The following FIBP variants were observed in gnomAD, a reference collection of about 807,000 sequenced individuals.
The protein encoded by FIBP is acidic fibroblast growth factor intracellular-binding protein.
FIBP carries 29 observed loss-of-function variants against 40.5 expected under a neutral mutation model. That is an observed-to-expected ratio of 0.72 (90% CI 0.53 to 0.98). The LOEUF (loss-of-function observed/expected upper bound fraction) is 0.98, where lower values mean the gene tolerates loss of function less well. FIBP is among the 50% of genes least tolerant of loss of function. The pLI, the probability that FIBP is intolerant of heterozygous loss-of-function variation, is 0.00. For synonymous variants in FIBP, 215 were observed against 191.1 expected (o/e 1.13, Z -1.03); for missense variants, 411 against 470.2 (o/e 0.87, Z 1.16).
In FIBP at chr11:65,887,919, C is replaced by T. The variant is rs1231308817; in HGVS notation, c.284+15G>A. 6.2e-7 allele frequency: 1 copy of T among 1,611,926 alleles called. No homozygotes were observed. The highest frequency in any genetic ancestry group is 2.2e-5 in the East Asian group (1 of 44,828). On this transcript the variant is annotated intron_variant, in intron 2 of 9. Transcript: ENST00000357519. ...CAGACTGGTTGATGTCTCCACCATC[C>T]CAGAGGGTGAGCACCTCTCGATGAG...
At chr11:65,887,546 G>A (rs753274986) in intron 3 of FIBP, 54 bp downstream of exon 3, 3 of 1,603,174 alleles carry the variant, frequency 1.9e-6, no homozygotes, top group Non-Finnish European at 2.6e-6. Context: ...AGTGGCCAAA[G>A]GGAGGGAGTG....
intron 9 of FIBP, 55 bp downstream of exon 9, chr11:65,884,337 G>C (rs572368414): frequency 8.6e-6 from 13 of 1,517,414 alleles, no homozygotes; most frequent in Admixed American, 5.2e-5. Flanking sequence ...GCGAGGTCCT[G>C]GCAGGTGGCA....
chr11:65,887,939 G>T lies in FIBP; in HGVS notation c.279C>A (p.Ile93=). The T allele has an allele frequency of 1.2e-6, 2 of 1,613,108 alleles. No individual in the cohort carries two copies. The highest frequency in any genetic ancestry group is 1.7e-6 in the Non-Finnish European group (2 of 1,179,474). Residue 93 remains isoleucine, a synonymous_variant, in exon 2 of 10, where the codon ATC becomes ATA. Transcript: ENST00000357519. The part of the protein sequence containing the change: ...QIPPSRQALL[I]ERYYAFDEAF... ...CCATCCCAGAGGGTGAGCACCTCTCGATGAGTAGTGCCTGCCGGGAGGGCG... is the reference window on the plus strand; with the variant it reads ...CCATCCCAGAGGGTGAGCACCTCTCTATGAGTAGTGCCTGCCGGGAGGGCG...
chr11:65,884,535 G>A (rs1374813622), intron 8 of FIBP, 35 bp downstream of exon 8: 1 of 1,613,860 alleles, frequency 6.2e-7, no homozygotes, highest in African/African-American at 1.3e-5. Context: ...GCCAGGGACA[G>A]ACCAGGTTGG....
intron 1 of FIBP, 31 bp downstream of exon 1, chr11:65,888,303 C>G: frequency 6.5e-7 from 1 of 1,541,352 alleles, no homozygotes; most frequent in Non-Finnish European, 8.8e-7. Flanking sequence ...ACCGCTCCGC[C>G]GACTGGCTTC....
In FIBP at chr11:65,885,063, C is replaced by A. The variant is rs1860198346; in HGVS notation, c.755+15G>T. The A allele has an allele frequency of 1.2e-6, 2 of 1,613,722 alleles. No homozygotes were observed. Among genetic ancestry groups the A allele is most frequent in the Non-Finnish European group, 1.7e-6 (2 of 1,179,624 alleles). ...CCTACTGCAGGCCCCGCCCCATGGG[C>A]CCCTACAAGGTCACCTCTTGTGCAG... On this transcript the variant is annotated intron_variant, in intron 6 of 9. Transcript: ENST00000357519.
rs539421185 is a variant in FIBP, at chr11:65,886,241, G to A, written c.512+81C>T. 97 of 870,880 alleles carry A rather than the reference G, an allele frequency of 1.1e-4. No homozygotes were observed. In the African/African-American group the frequency reaches 1.2e-3, roughly 10 times the overall value. The allele number at this position is 870,880 out of a possible 1,614,324, so 53.9% of individuals were successfully genotyped here. On this transcript the variant is annotated intron_variant, in intron 4 of 9. Transcript: ENST00000357519. The stretch of plus-strand genomic sequence containing the variant: ...TTCCCCCAGCATACTCAGGAGGTCA[G>A]AAGGTTTGGGGTAGGGAAGGTGGAC...
At chr11:65,886,236 G>A (rs1360481781) in intron 4 of FIBP, 86 bp downstream of exon 4, 7 of 829,754 alleles carry the variant, frequency 8.4e-6, no homozygotes, top group Non-Finnish European at 1.3e-5. Flanking sequence ...ATACTCAGGA[G>A]GTCAGAAGGT....
rs1219638416 is a variant in FIBP, at chr11:65,886,432, A to C, written c.412-10T>G. The stretch of plus-strand genomic sequence containing the variant: ...GTTTAAAGTTGTCAAACTGCAGGGC[A>C]GTTAGGGTAGAAGAGAGGACTGGTC... On this transcript the variant is annotated splice_polypyrimidine_tract_variant and intron_variant, in intron 3 of 9. Coordinates refer to ENST00000357519, the MANE Select transcript of FIBP (RefSeq NM_004214.5). The C allele has an allele frequency of 6.3e-7, 1 of 1,594,044 alleles. No homozygotes were observed. Among genetic ancestry groups the C allele is most frequent in the Admixed American group, 1.7e-5 (1 of 59,990 alleles).
chr11:65,888,181 C>T, intron 1 of FIBP, 49 bp from the exon 2 acceptor site: 1 of 1,519,040 alleles, frequency 6.6e-7, no homozygotes. Flanking sequence ...ACGCCAGAGG[C>T]CCTTAAGGGT....
Position 65,884,965 on chromosome 11 carries a change from G to A in FIBP, c.789C>T (p.Gly263=), listed in dbSNP as rs757768112. ...AGTTGGCTTCCATCTCAGAGAAGAC[G>A]CCCAGCTTTCCCCGGAGAGCAGTGC... ...LVCTALRGKL[G]VFSEMEANFK... The change falls in exon 7 of 10, where the codon GGC becomes GGT. Residue 263 remains glycine, a synonymous_variant. Coordinates refer to ENST00000357519, the MANE Select transcript of FIBP (RefSeq NM_004214.5). 4.2e-5 allele frequency: 67 copies of A among 1,614,022 alleles called. No homozygotes were observed. In the East Asian group the frequency reaches 9.6e-4, roughly 23 times the overall value.
chr11:65,886,119 T>C lies in FIBP; in HGVS notation c.512+203A>G, dbSNP rs1200056005. 2.5e-5 allele frequency: 13 copies of C among 526,166 alleles called. No homozygotes were observed. In the East Asian group the frequency reaches 3.2e-4, roughly 13 times the overall value. 32.6% of individuals were successfully genotyped at this position (526,166 alleles called of 1,614,324 possible). A position where few individuals can be genotyped will look rare whatever the true frequency, so the allele number is the denominator to read the frequency against. Reference sequence around the variant, plus strand: ...AGGCAGAGGTTGCAGTGAGCCAAGATTGCACCATTGCATTCCAGCCTGGGC... The same window carrying C: ...AGGCAGAGGTTGCAGTGAGCCAAGACTGCACCATTGCATTCCAGCCTGGGC... On this transcript the variant is annotated intron_variant, in intron 4 of 9. Coordinates refer to ENST00000357519, the MANE Select transcript of FIBP (RefSeq NM_004214.5).
At position 65,885,673 on chromosome 11, in the gene FIBP, C is replaced by T. The variant is rs563732211; in HGVS notation, c.513-10G>A. On this transcript the variant is annotated splice_polypyrimidine_tract_variant and intron_variant, in intron 4 of 9. Transcript: ENST00000357519. ...GATGGCTGCATAGTCCCTGCACAGACGAGAGGAGGGTCCTCTTAGGGCTTG... is the reference window on the plus strand; with the variant it reads ...GATGGCTGCATAGTCCCTGCACAGATGAGAGGAGGGTCCTCTTAGGGCTTG... 5.8e-5 allele frequency: 93 copies of T among 1,598,310 alleles called. 1 individual carries two copies. The South Asian group carries it at 9.3e-4, about 16-fold the overall frequency.
At chr11:65,885,748 C>T (rs979701503) in intron 4 of FIBP, 85 bp from the exon 5 acceptor site, 16 of 1,352,522 alleles carry the variant, frequency 1.2e-5, no homozygotes, top group Admixed American at 4.1e-5. Context: ...GCTGGGTGTC[C>T]GAGTTCTGGC....
chr11:65,887,450 A>G, intron 3 of FIBP, 150 bp downstream of exon 3: 2 of 843,778 alleles, frequency 2.4e-6, no homozygotes, highest in East Asian at 5.5e-5. Flanking sequence ...CATCTCGAAA[A>G]AAAAAAAAAA....
chr11:65,884,546 G>A (rs894596529), intron 8 of FIBP, 24 bp downstream of exon 8: 6 of 1,613,858 alleles, frequency 3.7e-6, no homozygotes, highest in Non-Finnish European at 5.1e-6. Flanking sequence ...ACCAGGTTGG[G>A]TGTCAGAGAG....
Position 65,888,142 on chromosome 11 carries a change from G to A in FIBP, c.86-10C>T, listed in dbSNP as rs981845401. ...GCCACCGCGTCGGTCACTGGAAAGC[G>A]GACGCTAGCATCAGGCCCCGCCCCG... is the stretch of plus-strand genomic sequence containing the variant. On this transcript the variant is annotated splice_polypyrimidine_tract_variant and intron_variant, in intron 1 of 9. Transcript: ENST00000357519. The A allele has an allele frequency of 1.9e-6, 3 of 1,552,568 alleles. No homozygotes were observed. The highest frequency in any genetic ancestry group is 2.6e-6 in the Non-Finnish European group (3 of 1,151,542).
At chr11:65,884,763 CCCT>C in intron 7 of FIBP, 107 bp from the exon 8 acceptor site, 1 of 1,337,646 alleles carries the variant, frequency 7.5e-7, no homozygotes, top group Non-Finnish European at 1.1e-6. Flanking sequence ...CCATCCACCT[CCCT>C]CCATCAACCA....
intron 7 of FIBP, 72 bp from the exon 8 acceptor site, chr11:65,884,728 A>G (rs1860185892): frequency 8.0e-6 from 12 of 1,491,904 alleles, no homozygotes; most frequent in Admixed American, 1.7e-5. Flanking sequence ...AAGCTGGGGG[A>G]GGAGGAGCAG....
Sources: allele counts gnomAD v4.1 joint callset, GRCh38; gene constraint gnomAD v4.1.1; transcripts MANE v1.5; gene names NCBI Gene and HGNC (gene_info 2026-07-23, HGNC 2026-07-21).